The following SGCD variants were observed in gnomAD, a reference collection of about 807,000 sequenced individuals.
SGCD encodes the protein sarcoglycan delta.
In SGCD, 18 loss-of-function variants were observed where a neutral mutation model predicts 36.6. The observed-to-expected ratio is 0.49, with a 90% CI of 0.34 to 0.73. The LOEUF is 0.73. Among genes scored for constraint, SGCD ranks in the 30% least tolerant of loss-of-function variants. The probability of loss-of-function intolerance (pLI) is 0.01; values close to 1 mark genes in which losing one functional copy is unlikely to be tolerated. For synonymous variants in SGCD, 133 were observed against 130.6 expected, an observed-to-expected ratio of 1.02 and a Z score of -0.12; for missense variants, 387 against 346.7, an observed-to-expected ratio of 1.12 and a Z score of -0.92.
At chr5:155,733,518 C>A in the SGCD span, among the ~76,000 whole-genome samples, 1 of 152,110 alleles carries the variant, frequency 6.6e-6, no homozygotes, top group African/African-American at 2.4e-5. Context: ...CCTTAGGTAG[C>A]TTTGATAAGC....
the SGCD span, among the ~76,000 whole-genome samples, chr5:155,759,231 C>T: frequency 2.4e-4 from 36 of 151,982 alleles, no homozygotes; most frequent in Non-Finnish European, 3.4e-4. Context: ...TAGCCTTTGT[C>T]GAGCAAATGT....
intron 1 of SGCD, among the ~76,000 whole-genome samples, chr5:156,111,733 G>A (rs1025315725): frequency 6.6e-6 from 1 of 151,942 alleles, no homozygotes; most frequent in African/African-American, 2.4e-5. Context: ...GGTTAACAGT[G>A]TGATGTCACC....
rs1581240173 is a variant in SGCD at position 156,319,051 on chromosome 5, G to A, written c.-43-10483G>A. On this transcript the variant is annotated intron_variant, in intron 3 of 9. Transcript: ENST00000517913. ...TTCTGCTTTTTGGCGGGGAGAATCAGGGCATGCCAATAAAGCCCCTATGTG... is the reference window on the plus strand; with the variant it reads ...TTCTGCTTTTTGGCGGGGAGAATCAAGGCATGCCAATAAAGCCCCTATGTG... 2.0e-5 allele frequency among the ~76,000 whole-genome samples: 3 copies of A among 152,142 alleles called. No homozygotes were observed. The East Asian group carries it at 5.8e-4, about 29-fold the overall frequency.
At chr5:156,400,493 C>T (rs1371736683) in intron 3 of SGCD, among the ~76,000 whole-genome samples, 1 of 152,106 alleles carries the variant, frequency 6.6e-6, no homozygotes, top group Non-Finnish European at 1.5e-5. Flanking sequence ...TAATGTGTTG[C>T]TACTAATAGA....
intron 3 of SGCD, among the ~76,000 whole-genome samples, chr5:156,152,664 A>G (rs1762860018): frequency 6.6e-6 from 1 of 151,736 alleles, no homozygotes; most frequent in Non-Finnish European, 1.5e-5. Flanking sequence ...TATTTCTTAT[A>G]CATTGGGTTA....
intron 3 of SGCD, among the ~76,000 whole-genome samples, chr5:156,462,420 T>A (rs1204822304): frequency 1.3e-5 from 2 of 152,200 alleles, no homozygotes; most frequent in Non-Finnish European, 2.9e-5. Context: ...CAAAGAGATA[T>A]TTCTTAGTTT....
intron 3 of SGCD, among the ~76,000 whole-genome samples, chr5:156,237,893 A>C (rs1765207195): frequency 6.6e-6 from 1 of 152,214 alleles, no homozygotes; most frequent in Non-Finnish European, 1.5e-5. Flanking sequence ...TGAATAGGGA[A>C]AATAAGAAAC....
At chr5:155,927,447 G>A (rs112775669) in intron 1 of SGCD, among the ~76,000 whole-genome samples, 24 of 152,246 alleles carry the variant, frequency 1.6e-4, no homozygotes, top group African/African-American at 5.5e-4. Flanking sequence ...GCAAGAGAGT[G>A]TTAAAAGGGA....
intron 7 of SGCD, among the ~76,000 whole-genome samples, chr5:156,709,569 T>C (rs1052444281): frequency 1.3e-5 from 2 of 152,020 alleles, no homozygotes; most frequent in Non-Finnish European, 2.9e-5. Context: ...GAATTCAGAG[T>C]GATATGAAAA....
chr5:156,312,361 T>G (rs1767410802), intron 3 of SGCD, among the ~76,000 whole-genome samples: 1 of 152,210 alleles, frequency 6.6e-6, no homozygotes, highest in Non-Finnish European at 1.5e-5. Flanking sequence ...GAACATAAAT[T>G]TCTTTACTGA....
intron 7 of SGCD, among the ~76,000 whole-genome samples, chr5:156,755,330 G>A (rs1757296192): frequency 6.6e-6 from 1 of 152,192 alleles, no homozygotes; most frequent in South Asian, 2.1e-4. Context: ...TATAGTAAAA[G>A]CACAAACTCA....
intron 3 of SGCD, among the ~76,000 whole-genome samples, chr5:156,128,116 T>G (rs2127605071): frequency 6.6e-6 from 1 of 151,528 alleles, no homozygotes; most frequent in Admixed American, 6.6e-5. Flanking sequence ...GAACATTCAC[T>G]TCATAAAACT....
the SGCD span, among the ~76,000 whole-genome samples, chr5:155,757,493 G>A: frequency 7.9e-5 from 12 of 152,192 alleles, 1 homozygote; most frequent in Admixed American, 5.9e-4. Flanking sequence ...GAACCTTGGA[G>A]AACTCAAGTG....
intron 6 of SGCD, among the ~76,000 whole-genome samples, chr5:156,599,500 A>G (rs1442954168): frequency 6.6e-6 from 1 of 152,214 alleles, no homozygotes; most frequent in Non-Finnish European, 1.5e-5. Flanking sequence ...GAGACCTAAA[A>G]ACATAATGTC....
intron 4 of SGCD, among the ~76,000 whole-genome samples, chr5:156,556,896 A>G (rs980841122): frequency 6.6e-6 from 1 of 152,168 alleles, no homozygotes; most frequent in African/African-American, 2.4e-5. Flanking sequence ...ACAAATAAAG[A>G]GTCATATGTT....
At chr5:156,089,147 A>G (rs1436378998) in intron 1 of SGCD, among the ~76,000 whole-genome samples, 1 of 152,196 alleles carries the variant, frequency 6.6e-6, no homozygotes, top group Non-Finnish European at 1.5e-5. Context: ...CCCTGGACTC[A>G]CTGAACAGAT....
intron 3 of SGCD, among the ~76,000 whole-genome samples, chr5:156,315,724 A>G (rs572781581): frequency 1.2e-3 from 185 of 151,946 alleles, no homozygotes; most frequent in African/African-American, 4.3e-3. Flanking sequence ...ATGCATATAT[A>G]TATTTTTTGT....
chr5:155,955,217 G>A (rs1208424170), intron 1 of SGCD, among the ~76,000 whole-genome samples: 1 of 152,040 alleles, frequency 6.6e-6, no homozygotes, highest in Non-Finnish European at 1.5e-5. Context: ...AAATGTCTAG[G>A]CACCATGTGG....
intron 1 of SGCD, among the ~76,000 whole-genome samples, chr5:155,952,295 G>C (rs1354935464): frequency 6.6e-6 from 1 of 152,030 alleles, no homozygotes. Context: ...CTTATTGTGA[G>C]TACTACTGAC....
Sources: gnomAD v4.1 joint callset for allele counts (sites outside exome capture counted in the v4.1 genomes callset) on GRCh38, gnomAD v4.1.1 for gene constraint, MANE v1.5 for transcripts, NCBI Gene and HGNC (gene_info 2026-07-23, HGNC 2026-07-21) for gene names.